Variants in DLGAP1 observed in about 807,000 individuals in gnomAD.
DLGAP1 encodes the protein disks large-associated protein 1.
DLGAP1 carries 11 observed loss-of-function variants against 90.8 expected under a neutral mutation model. That is an observed-to-expected ratio of 0.12 (90% CI 0.08 to 0.20). The LOEUF is 0.20. Among genes scored for constraint, DLGAP1 ranks in the 10% least tolerant of loss-of-function variants. The pLI, the probability that DLGAP1 is intolerant of heterozygous loss-of-function variation, is 1.00. For missense variants in DLGAP1, 1,050 were observed against 1,333.8 expected, an observed-to-expected ratio of 0.79 and a Z score of 3.31; for synonymous variants, 558 against 540.7, an observed-to-expected ratio of 1.03 and a Z score of -0.44.
chr18:4,406,104 T>C (rs2082658787), intron 1 of DLGAP1, among the ~76,000 whole-genome samples: 1 of 152,154 alleles, frequency 6.6e-6, no homozygotes, highest in South Asian at 2.1e-4. Flanking sequence ...GTTACAAAGT[T>C]ACACCTTATG....
At chr18:4,196,785 A>G (rs1205687489) in intron 1 of DLGAP1, among the ~76,000 whole-genome samples, 2 of 152,228 alleles carry the variant, frequency 1.3e-5, no homozygotes, top group Non-Finnish European at 2.9e-5. Flanking sequence ...TTAATTACAG[A>G]GTGTTGTATA....
At chr18:4,169,865 G>A (rs1598531956) in intron 1 of DLGAP1, among the ~76,000 whole-genome samples, 1 of 152,264 alleles carries the variant, frequency 6.6e-6, no homozygotes, top group African/African-American at 2.4e-5. Flanking sequence ...CATGAGCTTA[G>A]GAATCAGAGC....
At chr18:3,561,736 T>C (rs908925945) in intron 9 of DLGAP1, among the ~76,000 whole-genome samples, 6 of 151,008 alleles carry the variant, frequency 4.0e-5, no homozygotes, top group African/African-American at 1.2e-4. Flanking sequence ...TTTCAATTTT[T>C]TTCGTTTTTG....
intron 7 of DLGAP1, among the ~76,000 whole-genome samples, chr18:3,600,829 T>TATATAGATATATAG (rs371412009): frequency 1.1e-4 from 3 of 26,948 alleles, no homozygotes; most frequent in African/African-American, 5.7e-4. Context: ...GATATATAGA[T>TATATAGATATATAG]ATATATAGAT....
chr18:4,436,282 A>G (rs1391048834), intron 1 of DLGAP1, among the ~76,000 whole-genome samples: 1 of 152,098 alleles, frequency 6.6e-6, no homozygotes, highest in Non-Finnish European at 1.5e-5. Flanking sequence ...ATGTATAAAT[A>G]TAAGTGCCTG....
chr18:4,256,033 G>A (rs528346944), intron 1 of DLGAP1, among the ~76,000 whole-genome samples: 3 of 152,162 alleles, frequency 2.0e-5, no homozygotes, highest in Non-Finnish European at 4.4e-5. Context: ...ACTCAAGGCA[G>A]CTAATAAGGA....
intron 7 of DLGAP1, among the ~76,000 whole-genome samples, chr18:3,631,525 A>C (rs1382652904): frequency 1.3e-5 from 2 of 152,112 alleles, no homozygotes; most frequent in African/African-American, 4.8e-5. Flanking sequence ...AGGCAGGAGG[A>C]TCACTTGAGC....
At chr18:3,546,644 G>T (rs1461353408) in intron 9 of DLGAP1, among the ~76,000 whole-genome samples, 6 of 105,384 alleles carry the variant, frequency 5.7e-5, no homozygotes, top group African/African-American at 1.5e-4. Flanking sequence ...GTAGCCCATG[G>T]GTTAAAGAAA....
intron 5 of DLGAP1, among the ~76,000 whole-genome samples, chr18:3,759,928 G>T (rs1437680244): frequency 6.6e-6 from 1 of 152,178 alleles, no homozygotes; most frequent in African/African-American, 2.4e-5. Context: ...GGAGGCAGAG[G>T]TACAGGCAGC....
At chr18:3,963,852 A>G (rs2073261123) in intron 3 of DLGAP1, among the ~76,000 whole-genome samples, 1 of 152,144 alleles carries the variant, frequency 6.6e-6, no homozygotes, top group African/African-American at 2.4e-5. Flanking sequence ...CTAGATTTCG[A>G]AGACTTTGTA....
At chr18:3,548,508 T>TA (rs1395222665) in intron 9 of DLGAP1, among the ~76,000 whole-genome samples, 5 of 149,880 alleles carry the variant, frequency 3.3e-5, no homozygotes, top group Non-Finnish European at 5.9e-5. Flanking sequence ...CTCATGCCCA[T>TA]AATCCAGCAC....
chr18:3,631,209 C>T (rs1252654288), intron 7 of DLGAP1, among the ~76,000 whole-genome samples: 1 of 151,856 alleles, frequency 6.6e-6, no homozygotes, highest in Non-Finnish European at 1.5e-5. Flanking sequence ...GCCTTGAACT[C>T]CTGACCTCAG....
At chr18:3,508,502 G>A (rs1598981577) in intron 11 of DLGAP1, 68 bp downstream of exon 11, 2 of 1,166,580 alleles carry the variant, frequency 1.7e-6, no homozygotes, top group East Asian at 5.2e-5. Context: ...CTTTAGTTGG[G>A]CCAGTCTTGG....
intron 7 of DLGAP1, among the ~76,000 whole-genome samples, chr18:3,641,455 T>G (rs1304402914): frequency 6.7e-6 from 1 of 148,564 alleles, no homozygotes; most frequent in Non-Finnish European, 1.5e-5. Flanking sequence ...GAGAATCGCT[T>G]GAACCCGGGA....
intron 2 of DLGAP1, among the ~76,000 whole-genome samples, chr18:4,072,310 T>C (rs1454066809): frequency 7.3e-6 from 1 of 136,364 alleles, no homozygotes; most frequent in Non-Finnish European, 1.6e-5. Flanking sequence ...TTTTTTTTTT[T>C]CATAGATTGA....
intron 1 of DLGAP1, among the ~76,000 whole-genome samples, chr18:4,225,706 G>A (rs544379594): frequency 6.6e-6 from 1 of 151,956 alleles, no homozygotes; most frequent in East Asian, 2.0e-4. Context: ...TCAAGCAGAA[G>A]AAAGAATTAG....
At chr18:4,095,682 G>C (rs1411288583) in intron 2 of DLGAP1, among the ~76,000 whole-genome samples, 5 of 151,972 alleles carry the variant, frequency 3.3e-5, no homozygotes, top group Admixed American at 6.6e-5. Context: ...GATGGTGACA[G>C]GGTGTGTCTG....
Position 4,176,422 on chromosome 18 carries a change from G to A in DLGAP1, c.-266-25135C>T, listed in dbSNP as rs537122544. On this transcript the variant is annotated intron_variant, in intron 1 of 12. Coordinates refer to ENST00000315677, the MANE Select transcript of DLGAP1 (RefSeq NM_004746.4). ...TTCTATTTCAAACCAGCAGCCATTC[G>A]TGTGGTGTATATTTTTAATGGACCA... 1.4e-4 allele frequency among the ~76,000 whole-genome samples: 21 copies of A among 152,256 alleles called. No homozygotes were observed. The South Asian group carries it at 1.5e-3, about 11-fold the overall frequency.
intron 1 of DLGAP1, among the ~76,000 whole-genome samples, chr18:4,346,768 A>T (rs537447448): frequency 6.6e-6 from 1 of 152,312 alleles, no homozygotes; most frequent in East Asian, 1.9e-4. Flanking sequence ...ATATCATTTA[A>T]GTGCTTTTGT....
Sources: allele counts gnomAD v4.1 joint callset (sites outside exome capture counted in the v4.1 genomes callset), GRCh38; gene constraint gnomAD v4.1.1; transcripts MANE v1.5; gene names NCBI Gene and HGNC (gene_info 2026-07-23, HGNC 2026-07-21).